Variants in PAPPA observed in about 807,000 individuals in gnomAD.
PAPPA encodes the protein pappalysin-1.
PAPPA carries 60 observed loss-of-function variants against 164.0 expected under a neutral mutation model. The observed-to-expected ratio is 0.37, with a 90% CI of 0.30 to 0.45. PAPPA has a LOEUF of 0.45. Among genes scored for constraint, PAPPA ranks in the 20% least tolerant of loss-of-function variants. The probability of loss-of-function intolerance (pLI) is 1.00; values close to 1 mark genes in which losing one functional copy is unlikely to be tolerated. For synonymous variants in PAPPA, 875 were observed against 814.1 expected, an observed-to-expected ratio of 1.07 and a Z score of -1.27; for missense variants, 1,782 against 2,087.3, an observed-to-expected ratio of 0.85 and a Z score of 2.85.
At chr9:116,275,755 T>G (rs10435873) in intron 9 of PAPPA, among the ~76,000 whole-genome samples, 62,580 of 151,796 alleles carry the variant, frequency 0.41, 12,976 homozygotes, top group East Asian at 0.62. Flanking sequence ...CTGCTTCAAT[T>G]TAGAAGGGCT....
rs1202317628 is a variant in PAPPA, at chr9:116,396,514, C to T, written c.4782C>T (p.Thr1594=). The T allele has an allele frequency of 1.3e-6, 1 of 780,618 alleles. No individual in the cohort carries two copies. Among genetic ancestry groups the T allele is most frequent in the African/African-American group, 1.7e-5 (1 of 59,110 alleles). The allele number at this position is 780,618 out of a possible 1,614,324, so 48.4% of individuals were successfully genotyped here. The part of the protein sequence containing the change: ...CTSTVKTKKV[T]PFPMSCDLQG... ...TTCACTTCTTCTTTCTGCAGGTCAC[C>T]CCATTCCCTATGTCCTGTGATCTAC... Residue 1594 remains threonine (T), a synonymous_variant, in exon 22 of 22, where the codon ACC becomes ACT. Coordinates refer to ENST00000328252, the MANE Select transcript of PAPPA (RefSeq NM_002581.5).
Position 116,162,785 on chromosome 9 carries a change from A to G in PAPPA, c.415+8198A>G, listed in dbSNP as rs73654618. 3.9e-3 allele frequency among the ~76,000 whole-genome samples: 588 copies of G among 152,332 alleles called. 6 individuals carry two copies. Among genetic ancestry groups the G allele is most frequent in the African/African-American group, 0.012 (513 of 41,582 alleles). On this transcript the variant is annotated intron_variant, in intron 1 of 21. Transcript: ENST00000328252. ...CCACGCATTATTTCTAATAATCTCAATAACTCTAGGAGTTAGACATACTTA... is the reference window on the plus strand; with the variant it reads ...CCACGCATTATTTCTAATAATCTCAGTAACTCTAGGAGTTAGACATACTTA...
chr9:116,161,373 A>G (rs10217651), intron 1 of PAPPA, among the ~76,000 whole-genome samples: 68,608 of 151,974 alleles, frequency 0.45, 18,418 homozygotes, highest in Non-Finnish European at 0.61. Context: ...AGCGACTTTC[A>G]AACTGTCAGG....
chr9:116,205,252 A>G (rs1297283795), intron 2 of PAPPA, among the ~76,000 whole-genome samples: 22 of 152,054 alleles, frequency 1.4e-4, no homozygotes, highest in Non-Finnish European at 1.5e-5. Flanking sequence ...TTGGGCTAGG[A>G]TGAATACCAC....
In PAPPA at chr9:116,396,772, C is replaced by T. The variant is rs1016571987; in HGVS notation, c.*156C>T. The T allele has an allele frequency of 5.0e-6, 3 of 597,616 alleles. No homozygotes were observed. The highest frequency in any genetic ancestry group is 1.9e-5 in the African/African-American group (1 of 53,840). 37.0% of individuals were successfully genotyped at this position (597,616 alleles called of 1,614,324 possible). A position where few individuals can be genotyped will look rare whatever the true frequency, so the allele number is the denominator to read the frequency against. ...TTTAATTTTACCCAGGAAGGACTCA[C>T]ATTGGGGCGAATGAACCAAGTTTCG... On this transcript the variant is annotated 3_prime_UTR_variant, in exon 22 of 22. Transcript: ENST00000328252.
intron 1 of PAPPA, among the ~76,000 whole-genome samples, chr9:116,163,760 AAG>A (rs1843693901): frequency 6.6e-6 from 1 of 152,144 alleles, no homozygotes; most frequent in South Asian, 2.1e-4. Flanking sequence ...CTGGGGAAAA[AAG>A]AAGATGGTAC....
In PAPPA at chr9:116,398,479, T is replaced by TAAAA. The variant is rs373083822; in HGVS notation, c.*1877_*1880dup. 2.1e-4 allele frequency: 149 copies of TAAAA among 702,208 alleles called. No individual in the cohort carries two copies. The highest frequency in any genetic ancestry group is 7.4e-4 in the East Asian group (10 of 13,584). 43.5% of individuals were successfully genotyped at this position (702,208 alleles called of 1,614,324 possible). ...GGTGTTGTTAATCTATCATAGCACT[T>TAAAA]AAAAAAAAAAAAAAAAAGAGACCAA... On this transcript the variant is annotated 3_prime_UTR_variant, in exon 22 of 22. Transcript: ENST00000328252.
chr9:116,305,134 GAC>G (rs57723920), intron 10 of PAPPA, among the ~76,000 whole-genome samples: 3,568 of 129,876 alleles, frequency 0.027, 50 homozygotes, highest in South Asian at 0.065. Context: ...TGGGCACACA[GAC>G]ACACACACAC....
chr9:116,381,466 G>T (rs1368054078), intron 20 of PAPPA, among the ~76,000 whole-genome samples: 1 of 152,198 alleles, frequency 6.6e-6, no homozygotes, highest in Non-Finnish European at 1.5e-5. Context: ...TGTGCTAGCG[G>T]TTGGGATGAG....
In PAPPA at chr9:116,229,067, A is replaced by T. The variant is rs367972524; in HGVS notation, c.2233+1515A>T. Among the ~76,000 whole-genome samples the T allele has an allele frequency of 3.3e-5, 5 of 152,274 alleles. No homozygotes were observed. The East Asian group carries it at 7.7e-4, about 24-fold the overall frequency. ...TAAGTAAATGGCCAATTACCATTCA[A>T]TGTGAACAGGCTTATGGTAATAGAA... is the stretch of plus-strand genomic sequence containing the variant. On this transcript the variant is annotated intron_variant, in intron 6 of 21. Transcript: ENST00000328252.
Position 116,154,503 on chromosome 9 carries a change from G to A in PAPPA, c.331G>A (p.Asp111Asn). The change falls in exon 1 of 22, where the codon GAC (aspartate) becomes AAC (asparagine). Residue 111 changes from aspartate to asparagine, a missense_variant. By Grantham distance (23) the Asp-to-Asn change is conservative. Around this residue, in one of 2 missense-constraint regions of PAPPA, gnomAD observed 458 missense variants for 430.3 expected, o/e 1.06. Transcript: ENST00000328252. This position sits in a 1 kb window ranked among gnomAD's most constrained non-coding sequence, Gnocchi z 5.2. ...GRGEQLRLRADLELPRDAFTL... is the reference protein window; with the variant it reads ...GRGEQLRLRANLELPRDAFTL... The stretch of plus-strand genomic sequence containing the variant: ...AGGCGAGCAGCTGCGCCTCCGGGCC[G>A]ACCTCGAGCTGCCCCGGGACGCGTT... The A allele has an allele frequency of 2.9e-6, 4 of 1,356,892 alleles. No individual in the cohort carries two copies. The East Asian group carries it at 9.3e-5, about 32-fold the overall frequency. The allele number at this position is 1,356,892 out of a possible 1,614,324, so 84.1% of individuals were successfully genotyped here.
intron 10 of PAPPA, among the ~76,000 whole-genome samples, chr9:116,306,992 C>T (rs983490279): frequency 5.3e-5 from 8 of 152,158 alleles, no homozygotes; most frequent in Non-Finnish European, 8.8e-5. Context: ...TTAGACTAAG[C>T]ATTTCAAGGG....
rs1476608139 is a variant in PAPPA, at chr9:116,154,205, G to A, written c.33G>A (p.Gly11=). 6.8e-7 allele frequency: 1 copy of A among 1,479,920 alleles called. No homozygotes were observed. The highest frequency in any genetic ancestry group is 9.0e-7 in the Non-Finnish European group (1 of 1,115,528). 91.7% of individuals were successfully genotyped at this position (1,479,920 alleles called of 1,614,324 possible). The change falls in exon 1 of 22, where the codon GGG becomes GGA. Residue 11 remains glycine (G), a synonymous_variant. Transcript: ENST00000328252. This position sits in a 1 kb window ranked among gnomAD's most constrained non-coding sequence, Gnocchi z 5.2. MRLWSWVLHL[G]LLSAALGCGL... ...TCTGGAGTTGGGTGCTGCACCTGGGGCTGCTGAGCGCCGCGCTGGGCTGCG... is the reference window on the plus strand; with the variant it reads ...TCTGGAGTTGGGTGCTGCACCTGGGACTGCTGAGCGCCGCGCTGGGCTGCG...
chr9:116,398,553 C>T lies in PAPPA; in HGVS notation c.*1937C>T. The T allele has an allele frequency of 7.8e-7, 1 of 1,283,934 alleles. No individual in the cohort carries two copies. The highest frequency in any genetic ancestry group is 1.0e-6 in the Non-Finnish European group (1 of 984,484). The allele number at this position is 1,283,934 out of a possible 1,614,324, so 79.5% of individuals were successfully genotyped here. ...TTATATCACTCCCAATAGCACTGAC[C>T]TGGTGATCAAAAACACTTGAGAAGA... On this transcript the variant is annotated 3_prime_UTR_variant, in exon 22 of 22. Transcript: ENST00000328252.
chr9:116,237,802 C>T (rs557187380), intron 7 of PAPPA, among the ~76,000 whole-genome samples: 2 of 151,908 alleles, frequency 1.3e-5, no homozygotes, highest in African/African-American at 2.4e-5. Flanking sequence ...TCGCTGCAAC[C>T]TCCACCCCCC....
At chr9:116,182,369 A>G (rs996710947) in intron 1 of PAPPA, among the ~76,000 whole-genome samples, 1 of 152,346 alleles carries the variant, frequency 6.6e-6, no homozygotes, top group African/African-American at 2.4e-5. Flanking sequence ...GATGTTAGGT[A>G]TTTATAAATG....
At chr9:116,389,113 A>G (rs938447234) in intron 21 of PAPPA, among the ~76,000 whole-genome samples, 5 of 150,310 alleles carry the variant, frequency 3.3e-5, no homozygotes, top group Non-Finnish European at 7.4e-5. Flanking sequence ...TTCTTGACCT[A>G]GCAGCCAGAA....
chr9:116,297,334 G>A (rs1161596495), intron 9 of PAPPA, among the ~76,000 whole-genome samples: 4 of 152,172 alleles, frequency 2.6e-5, no homozygotes, highest in Non-Finnish European at 4.4e-5. Flanking sequence ...TACAGTAACC[G>A]ATAACTTATG....
At position 116,395,504 on chromosome 9, in the gene PAPPA, T is replaced by C. The variant is rs184925719; in HGVS notation, c.4777-1005T>C. ...GGAAAGTTATATGCAAATGTCATGA[T>C]GCAATGAGGTGAAATCTACTTGCGT... On this transcript the variant is annotated intron_variant, in intron 21 of 21. Coordinates refer to ENST00000328252, the MANE Select transcript of PAPPA (RefSeq NM_002581.5). Among the ~76,000 whole-genome samples, 431 of 152,322 alleles carry C rather than the reference T, an allele frequency of 2.8e-3. 2 individuals carry two copies. Among genetic ancestry groups the C allele is most frequent in the Non-Finnish European group, 4.9e-3 (332 of 68,036 alleles).
Sources: gnomAD v4.1 joint callset for allele counts (sites outside exome capture counted in the v4.1 genomes callset) on GRCh38, gnomAD v4.1.1 for gene constraint, gnomAD v4.1.1 regional missense constraint, Gnocchi (gnomAD v3.1) non-coding constraint, MANE v1.5 for transcripts, NCBI Gene and HGNC (gene_info 2026-07-23, HGNC 2026-07-21) for gene names.